PPP2R2B: variants seen among roughly 807,000 people sequenced by gnomAD.
PPP2R2B encodes protein phosphatase 2 regulatory subunit Bbeta, also known as serine/threonine-protein phosphatase 2A 55 kDa regulatory subunit B beta isoform.
PPP2R2B carries 5 observed loss-of-function variants against 46.0 expected under a neutral mutation model. The observed-to-expected ratio is 0.11, with a 90% CI of 0.06 to 0.23. The LOEUF is 0.23. Ranked by LOEUF, PPP2R2B falls within the 10% of genes least tolerant of loss-of-function variation. The probability of loss-of-function intolerance (pLI) is 1.00; values close to 1 mark genes in which losing one functional copy is unlikely to be tolerated. For synonymous variants in PPP2R2B, 215 were observed against 206.7 expected (o/e 1.04, Z -0.34); for missense variants, 367 against 575.0 (o/e 0.64, Z 3.70).
intron 2 of PPP2R2B, among the ~76,000 whole-genome samples, chr5:146,778,876 A>G (rs1011358649): frequency 1.3e-5 from 2 of 152,230 alleles, no homozygotes; most frequent in African/African-American, 2.4e-5. Context: ...AATCCCCATT[A>G]GTGGGGCAGG....
chr5:147,064,583 T>A (rs1300170501), intron 2 of PPP2R2B, among the ~76,000 whole-genome samples: 1 of 152,234 alleles, frequency 6.6e-6, no homozygotes, highest in East Asian at 1.9e-4. Flanking sequence ...ATATTTTGAT[T>A]AGAATAAAGA....
chr5:146,740,662 G>T (rs1218990626), intron 2 of PPP2R2B, among the ~76,000 whole-genome samples: 2 of 150,180 alleles, frequency 1.3e-5, no homozygotes, highest in Non-Finnish European at 1.5e-5. Flanking sequence ...AATATATAGG[G>T]TAATTCCATC....
At chr5:146,771,072 T>C (rs902765345) in intron 2 of PPP2R2B, among the ~76,000 whole-genome samples, 4 of 152,238 alleles carry the variant, frequency 2.6e-5, no homozygotes, top group Middle Eastern at 3.4e-3. Flanking sequence ...ATAGAAATTA[T>C]AACGTTTCAC....
chr5:147,012,673 G>A (rs974187096), intron 1 of PPP2R2B, among the ~76,000 whole-genome samples: 1 of 151,352 alleles, frequency 6.6e-6, no homozygotes, highest in Admixed American at 6.6e-5. Flanking sequence ...TGTGATGTTA[G>A]GGTGTCAATT....
At chr5:146,889,431 A>G (rs1056658958) in intron 1 of PPP2R2B, among the ~76,000 whole-genome samples, 11 of 152,194 alleles carry the variant, frequency 7.2e-5, no homozygotes, top group African/African-American at 2.4e-4. Flanking sequence ...TAATCAGTCA[A>G]TCCATCATGT....
intron 1 of PPP2R2B, among the ~76,000 whole-genome samples, chr5:147,011,938 G>A (rs7446601): frequency 0.32 from 31,039 of 97,640 alleles, 5,914 homozygotes; most frequent in Middle Eastern, 0.54. Flanking sequence ...CCACTTGATC[G>A]TGGTGGATAA....
intron 5 of PPP2R2B, among the ~76,000 whole-genome samples, chr5:146,683,814 A>G (rs1282867876): frequency 1.3e-5 from 2 of 152,186 alleles, no homozygotes; most frequent in Non-Finnish European, 2.9e-5. Context: ...GACAGATACA[A>G]TCAGATAATG....
intron 8 of PPP2R2B, among the ~76,000 whole-genome samples, chr5:146,594,065 A>T (rs1443358060): frequency 6.6e-6 from 1 of 152,166 alleles, no homozygotes; most frequent in Non-Finnish European, 1.5e-5. Flanking sequence ...TGACTCCCTG[A>T]TCTTTCTCCT....
At chr5:146,592,041 A>G in intron 9 of PPP2R2B, 3 of 386,734 alleles carry the variant, frequency 7.8e-6, no homozygotes, top group Non-Finnish European at 1.5e-5. Context: ...ATATGAATAA[A>G]TAAATACCTA....
chr5:146,849,788 A>G (rs1760229101), intron 2 of PPP2R2B, among the ~76,000 whole-genome samples: 1 of 152,198 alleles, frequency 6.6e-6, no homozygotes. Flanking sequence ...AGCAATTTAC[A>G]TTTATTAAAA....
At chr5:146,816,486 G>T (rs1382638185) in intron 2 of PPP2R2B, among the ~76,000 whole-genome samples, 2 of 152,154 alleles carry the variant, frequency 1.3e-5, no homozygotes, top group African/African-American at 4.8e-5. Context: ...CTATAATAGA[G>T]TTTATGCGCC....
In PPP2R2B at chr5:146,677,192, TG is replaced by T. The variant is rs573512654; in HGVS notation, c.447+13935del. 4.3e-3 allele frequency among the ~76,000 whole-genome samples: 651 copies of T among 152,348 alleles called. 6 individuals are homozygous for T. The highest frequency in any genetic ancestry group is 0.015 in the African/African-American group (630 of 41,580). On this transcript the variant is annotated intron_variant, in intron 5 of 9. Transcript: ENST00000394411. ...AACATCTGTATATTTGGTTTTGAAC[TG>T]GCAAGATAATTGGACAGAGTTTTCG...
rs10069489 is a variant in PPP2R2B at position 146,996,560 on chromosome 5, A to G, written c.79+59105T>C. On this transcript the variant is annotated intron_variant, in intron 1 of 8. Coordinates refer to the PPP2R2B transcript ENST00000336640. ...CCCTAAATAGGAGTATGGTTTGCCC[A>G]TAGAGAATTCTCATGGCTGTATGGA... is the stretch of plus-strand genomic sequence containing the variant. Among the ~76,000 whole-genome samples the G allele has an allele frequency of 3.2e-3, 491 of 152,294 alleles. 2 individuals are homozygous for G. Among genetic ancestry groups the G allele is most frequent in the African/African-American group, 0.011 (471 of 41,566 alleles).
intron 8 of PPP2R2B, among the ~76,000 whole-genome samples, chr5:146,597,671 A>G (rs1282809097): frequency 2.0e-5 from 3 of 152,208 alleles, no homozygotes; most frequent in Non-Finnish European, 4.4e-5. Flanking sequence ...TATAGATTTC[A>G]AGTGGATCCC....
At chr5:146,732,068 T>C (rs1437920031) in intron 2 of PPP2R2B, among the ~76,000 whole-genome samples, 2 of 152,202 alleles carry the variant, frequency 1.3e-5, no homozygotes, top group African/African-American at 2.4e-5. Flanking sequence ...GGGATATTTA[T>C]GACTCAGGCC....
At chr5:146,954,294 T>C (rs1047957659) in intron 1 of PPP2R2B, among the ~76,000 whole-genome samples, 1 of 152,170 alleles carries the variant, frequency 6.6e-6, no homozygotes, top group Admixed American at 6.6e-5. Flanking sequence ...ATGACTAACA[T>C]TGAAATGATT....
intron 7 of PPP2R2B, among the ~76,000 whole-genome samples, chr5:146,618,920 T>G (rs572523981): frequency 6.6e-6 from 1 of 152,182 alleles, no homozygotes; most frequent in Non-Finnish European, 1.5e-5. Context: ...TATTTGAATC[T>G]TCCCAAAGCA....
chr5:147,009,854 C>A (rs187754602), intron 1 of PPP2R2B, among the ~76,000 whole-genome samples: 45 of 143,074 alleles, frequency 3.1e-4, no homozygotes, highest in African/African-American at 1.2e-3. Flanking sequence ...TATATATATA[C>A]ACACACACAT....
chr5:147,048,646 A>T (rs1455817673), intron 1 of PPP2R2B, among the ~76,000 whole-genome samples: 1 of 152,158 alleles, frequency 6.6e-6, no homozygotes, highest in East Asian at 1.9e-4. Context: ...TTTCACTCTC[A>T]TAACAATACT....
Sources: gnomAD v4.1 joint callset for allele counts (sites outside exome capture counted in the v4.1 genomes callset) on GRCh38, gnomAD v4.1.1 for gene constraint, MANE v1.5 for transcripts, NCBI Gene and HGNC (gene_info 2026-07-23, HGNC 2026-07-21) for gene names.